Variants in DPP10 observed in about 807,000 individuals in gnomAD.
DPP10 encodes the protein inactive dipeptidyl peptidase 10.
DPP10 carries 33 observed loss-of-function variants against 120.9 expected under a neutral mutation model. The observed-to-expected ratio is 0.27, with a 90% confidence interval of 0.21 to 0.37. The LOEUF is 0.37. Among genes scored for constraint, DPP10 ranks in the 10% least tolerant of loss-of-function variants. The pLI, the probability that DPP10 is intolerant of heterozygous loss-of-function variation, is 1.00. For synonymous variants in DPP10, 337 were observed against 326.1 expected, an observed-to-expected ratio of 1.03 and a Z score of -0.36; for missense variants, 816 against 942.8, an observed-to-expected ratio of 0.87 and a Z score of 1.76.
intron 5 of DPP10, among the ~76,000 whole-genome samples, chr2:115,685,455 C>T (rs2090936278): frequency 6.6e-6 from 1 of 151,906 alleles, no homozygotes; most frequent in Non-Finnish European, 1.5e-5. Flanking sequence ...TGTTTCTTGG[C>T]CTTGTTGCAC....
In DPP10 at chr2:115,601,841, T is replaced by G. The variant is rs1475992107; in HGVS notation, c.441+75869T>G. Reference sequence around the variant, plus strand: ...GGTACGCACAACCATGCCTGGCTATTTTTTTTTTTTTTTTGTACTTTAATA... The same window carrying G: ...GGTACGCACAACCATGCCTGGCTATGTTTTTTTTTTTTTTGTACTTTAATA... On this transcript the variant is annotated intron_variant, in intron 5 of 25. Transcript: ENST00000410059. 7.9e-4 allele frequency among the ~76,000 whole-genome samples: 33 copies of G among 41,952 alleles called. No homozygotes were observed. In the African/African-American group the frequency reaches 0.012, roughly 15 times the overall value. 27.5% of individuals were successfully genotyped at this position (41,952 alleles called of 152,430 possible). A position where few individuals can be genotyped will look rare whatever the true frequency, so the allele number is the denominator to read the frequency against.
At chr2:115,368,212 A>G (rs1008105632) in intron 3 of DPP10, among the ~76,000 whole-genome samples, 1 of 152,138 alleles carries the variant, frequency 6.6e-6, no homozygotes, top group African/African-American at 2.4e-5. Flanking sequence ...AGAGAGAGAA[A>G]TATAGGATAG....
At chr2:114,801,023 G>A (rs1023606039) in intron 1 of DPP10, among the ~76,000 whole-genome samples, 1 of 151,972 alleles carries the variant, frequency 6.6e-6, no homozygotes, top group Non-Finnish European at 1.5e-5. Context: ...CAGCACTTTG[G>A]GAGGCCGAGG....
intron 5 of DPP10, among the ~76,000 whole-genome samples, chr2:115,559,514 A>G (rs992572198): frequency 7.2e-5 from 11 of 152,144 alleles, no homozygotes; most frequent in Admixed American, 2.0e-4. Context: ...CTATGTTACA[A>G]ACTTGAATGA....
chr2:115,150,102 C>T (rs1305306181), intron 1 of DPP10, among the ~76,000 whole-genome samples: 1 of 152,172 alleles, frequency 6.6e-6, no homozygotes, highest in African/African-American at 2.4e-5. Flanking sequence ...GAAAGAGTCT[C>T]AAACTGTAGT....
intron 3 of DPP10, among the ~76,000 whole-genome samples, chr2:115,390,081 G>T (rs1036077933): frequency 1.4e-4 from 21 of 152,132 alleles, no homozygotes; most frequent in African/African-American, 5.1e-4. Context: ...ACATTACATT[G>T]TATGATTTTT....
At chr2:115,567,636 A>G (rs1193159551) in intron 5 of DPP10, among the ~76,000 whole-genome samples, 1 of 151,854 alleles carries the variant, frequency 6.6e-6, no homozygotes, top group African/African-American at 2.4e-5. Context: ...TTCAAGTTTT[A>G]GCGATTACAA....
chr2:115,112,583 TCAG>T (rs1394862135), intron 1 of DPP10, among the ~76,000 whole-genome samples: 1 of 152,152 alleles, frequency 6.6e-6, no homozygotes, highest in African/African-American at 2.4e-5. Context: ...ATCCATCCTC[TCAG>T]CAGTTTTCAA....
intron 2 of DPP10, among the ~76,000 whole-genome samples, chr2:115,318,299 C>T (rs2061895972): frequency 6.6e-6 from 1 of 152,100 alleles, no homozygotes; most frequent in South Asian, 2.1e-4. Context: ...TATCTGTCCT[C>T]ATGCTGGTAC....
intron 1 of DPP10, among the ~76,000 whole-genome samples, chr2:114,662,027 G>A (rs1017317334): frequency 7.3e-5 from 11 of 150,780 alleles, no homozygotes; most frequent in African/African-American, 2.7e-4. Flanking sequence ...AAAACAACCC[G>A]GGCTCTCCAG....
intron 8 of DPP10, among the ~76,000 whole-genome samples, chr2:115,730,134 G>A (rs1345979879): frequency 6.6e-6 from 1 of 152,186 alleles, no homozygotes; most frequent in African/African-American, 2.4e-5. Flanking sequence ...TTGTTTTTGT[G>A]ACAGCAGGAA....
intron 1 of DPP10, among the ~76,000 whole-genome samples, chr2:114,481,374 G>A (rs1483282958): frequency 6.6e-6 from 1 of 152,008 alleles, no homozygotes; most frequent in African/African-American, 2.4e-5. Flanking sequence ...AAAATATCAT[G>A]ATACCCCTAT....
intron 5 of DPP10, among the ~76,000 whole-genome samples, chr2:115,585,852 T>G (rs1016860248): frequency 2.0e-4 from 30 of 152,164 alleles, no homozygotes; most frequent in Non-Finnish European, 2.8e-4. Flanking sequence ...TCTACACTGG[T>G]TTTTTTGCTT....
chr2:115,311,648 TC>T (rs1219018926), intron 2 of DPP10, among the ~76,000 whole-genome samples: 2 of 152,138 alleles, frequency 1.3e-5, no homozygotes, highest in African/African-American at 4.8e-5. Flanking sequence ...TCACCTCCAA[TC>T]CCGTTACACA....
chr2:115,169,444 CACAT>C (rs992478603), intron 1 of DPP10, among the ~76,000 whole-genome samples: 2 of 149,638 alleles, frequency 1.3e-5, no homozygotes, highest in Non-Finnish European at 2.9e-5. Context: ...ACTATACACA[CACAT>C]ATATATATAT....
intron 1 of DPP10, among the ~76,000 whole-genome samples, chr2:114,678,954 T>G (rs1419886591): frequency 6.6e-6 from 1 of 152,066 alleles, no homozygotes; most frequent in South Asian, 2.1e-4. Flanking sequence ...GAAGGAAGTC[T>G]TCTTTTCTCA....
chr2:115,710,360 A>C (rs1275585653), intron 7 of DPP10, among the ~76,000 whole-genome samples: 1 of 152,150 alleles, frequency 6.6e-6, no homozygotes, highest in East Asian at 1.9e-4. Context: ...TTGTGTGACA[A>C]CTATAACGAC....
At chr2:114,912,504 C>A (rs1186396154) in intron 1 of DPP10, among the ~76,000 whole-genome samples, 1 of 151,978 alleles carries the variant, frequency 6.6e-6, no homozygotes, top group Admixed American at 6.6e-5. Flanking sequence ...AGAAGGGAGG[C>A]AAGATGGCAA....
At chr2:114,479,083 C>T (rs931895784) in intron 1 of DPP10, among the ~76,000 whole-genome samples, 1 of 145,190 alleles carries the variant, frequency 6.9e-6, no homozygotes, top group Non-Finnish European at 1.5e-5. Flanking sequence ...TGTACAGAAT[C>T]TGTATGCTGA....
Sources: allele counts gnomAD v4.1 joint callset (sites outside exome capture counted in the v4.1 genomes callset), GRCh38; gene constraint gnomAD v4.1.1; transcripts MANE v1.5; gene names NCBI Gene and HGNC (gene_info 2026-07-23, HGNC 2026-07-21).